The following RNF19A variants were observed in gnomAD, a reference collection of about 807,000 sequenced individuals.
RNF19A encodes the protein E3 ubiquitin-protein ligase RNF19A.
In RNF19A, 32 loss-of-function variants were observed where a neutral mutation model predicts 75.7. That is an observed-to-expected ratio of 0.42 (90% CI 0.32 to 0.57). RNF19A has a LOEUF of 0.57. RNF19A is among the 20% of genes least tolerant of loss of function. The pLI, the probability that RNF19A is intolerant of heterozygous loss-of-function variation, is 0.10. For synonymous variants in RNF19A, 335 were observed against 345.2 expected, an observed-to-expected ratio of 0.97 and a Z score of 0.33; for missense variants, 782 against 1,036.3, an observed-to-expected ratio of 0.75 and a Z score of 3.37.
In RNF19A at chr8:100,330,787, C is replaced by T. The variant is rs1040228390; in HGVS notation, c.-243+5321G>A. Among the ~76,000 whole-genome samples the T allele has an allele frequency of 3.3e-5, 5 of 152,192 alleles. No homozygotes were observed. Among genetic ancestry groups the T allele is most frequent in the Non-Finnish European group, 5.9e-5 (4 of 68,028 alleles). On this transcript the variant is annotated intron_variant, in intron 1 of 3. Transcript: ENST00000519527. The surrounding 1 kb of genome is among the most constrained non-coding windows in gnomAD (Gnocchi z 4.1). ...TTTCTAACTTCTCTCCTTCTCTCTC[C>T]TTCCCATGGCTTCTAAGGCCCAAGA...
chr8:100,309,381 G>A, intron 1 of RNF19A: 1 of 985,882 alleles, frequency 1.0e-6, no homozygotes, highest in Non-Finnish European at 1.2e-6. Context: ...TTTGCAGCGA[G>A]GCCCGGAAAT....
At chr8:100,298,198 T>TAAAAAAAAAA (rs35748790) in intron 1 of RNF19A, among the ~76,000 whole-genome samples, 6 of 144,398 alleles carry the variant, frequency 4.2e-5, no homozygotes, top group African/African-American at 1.5e-4. Context: ...TGTATTGGGT[T>TAAAAAAAAAA]AAAAAAAAAA....
chr8:100,261,580 C>G lies in RNF19A; in HGVS notation c.1644G>C (p.Gly548=), dbSNP rs932521903. 2 of 1,614,088 alleles carry G rather than the reference C, an allele frequency of 1.2e-6. No homozygotes were observed. Among genetic ancestry groups the G allele is most frequent in the African/African-American group, 2.7e-5 (2 of 75,008 alleles). Residue 548 remains glycine (G), a synonymous_variant, in exon 8 of 10, where the codon GGG becomes GGC. Transcript: ENST00000341084. This position sits in a 1 kb window ranked among gnomAD's most constrained non-coding sequence, Gnocchi z 4.4. ...TMALAGASIT[G]SLSGSAMVNC... Reference sequence around the variant, plus strand: ...TTACCATGGCACTTCCTGACAGACTCCCCGTTATACTGGCTCCAGCTAGTG... The same window carrying G: ...TTACCATGGCACTTCCTGACAGACTGCCCGTTATACTGGCTCCAGCTAGTG...
At chr8:100,305,593 A>G (rs1822032153) in intron 1 of RNF19A, among the ~76,000 whole-genome samples, 1 of 152,204 alleles carries the variant, frequency 6.6e-6, no homozygotes, top group Non-Finnish European at 1.5e-5. Flanking sequence ...CTCACATTGT[A>G]TTTCTATTGG....
chr8:100,305,090 C>A (rs953674132), intron 1 of RNF19A, among the ~76,000 whole-genome samples: 1 of 152,146 alleles, frequency 6.6e-6, no homozygotes, highest in Non-Finnish European at 1.5e-5. Flanking sequence ...TGCCTGCCAC[C>A]AAGCCCAGCA....
intron 2 of RNF19A, among the ~76,000 whole-genome samples, chr8:100,280,158 G>C (rs1820714509): frequency 6.6e-6 from 1 of 152,168 alleles, no homozygotes; most frequent in Non-Finnish European, 1.5e-5. Flanking sequence ...TCTCCATTCA[G>C]TGCCCGGCCC....
rs537373554 is a variant in RNF19A, at chr8:100,290,349, G to A, written c.-93-2082C>T. On this transcript the variant is annotated intron_variant, in intron 1 of 9. Coordinates refer to ENST00000341084, the MANE Select transcript of RNF19A (RefSeq NM_183419.4). ...ACTCCTGACCTCAAGTGATCCGCCC[G>A]CCTTGGCCTCCCAAAGTGCTGGGAT... 1.1e-3 allele frequency among the ~76,000 whole-genome samples: 164 copies of A among 152,200 alleles called. 1 individual carries two copies. The highest frequency in any genetic ancestry group is 2.7e-3 in the Admixed American group (41 of 15,292).
intron 1 of RNF19A, chr8:100,300,511 G>A (rs1821774251): frequency 6.6e-6 from 1 of 152,048 alleles, no homozygotes; most frequent in Non-Finnish European, 1.5e-5. Context: ...AAATTAGCTG[G>A]GTGTGGTGGT....
chr8:100,274,045 A>C (rs1820384970), intron 3 of RNF19A, among the ~76,000 whole-genome samples: 2 of 152,296 alleles, frequency 1.3e-5, no homozygotes, highest in African/African-American at 4.8e-5. Flanking sequence ...TCAGACTCCC[A>C]GAGTGCTGGG....
chr8:100,312,127 A>C (rs1030343695), upstream of RNF19A, among the ~76,000 whole-genome samples: 1 of 152,180 alleles, frequency 6.6e-6, no homozygotes, highest in African/African-American at 2.4e-5. Flanking sequence ...CTTCCAATTC[A>C]TAACTAACCA....
rs995451961 is a variant in RNF19A, at chr8:100,261,863, C to T, written c.1469-108G>A. 1.3e-5 allele frequency: 14 copies of T among 1,104,894 alleles called. No homozygotes were observed. The highest frequency in any genetic ancestry group is 7.3e-5 in the East Asian group (3 of 41,378). 68.4% of individuals were successfully genotyped at this position (1,104,894 alleles called of 1,614,324 possible). Reference sequence around the variant, plus strand: ...GACATTATATAAGGTATAAAATATACGCAGACATGGAAAAATATTTTTTTC... The same window carrying T: ...GACATTATATAAGGTATAAAATATATGCAGACATGGAAAAATATTTTTTTC... On this transcript the variant is annotated intron_variant, in intron 7 of 9. Transcript: ENST00000341084. This position sits in a 1 kb window ranked among gnomAD's most constrained non-coding sequence, Gnocchi z 4.4.
At chr8:100,321,091 T>A (rs1822459729) in intron 1 of RNF19A, among the ~76,000 whole-genome samples, 1 of 152,190 alleles carries the variant, frequency 6.6e-6, no homozygotes, top group Non-Finnish European at 1.5e-5. Context: ...AGAGTTAGGG[T>A]AGCTGTGGCG....
At chr8:100,310,172 GC>G, upstream of RNF19A, 1 of 984,150 alleles carries the variant, frequency 1.0e-6, no homozygotes, top group East Asian at 1.1e-4. Context: ...CGGCCGCCCC[GC>G]CCCAGCGCGC....
At chr8:100,326,040 G>A (rs1030803585) in intron 1 of RNF19A, among the ~76,000 whole-genome samples, 1 of 152,074 alleles carries the variant, frequency 6.6e-6, no homozygotes, top group Non-Finnish European at 1.5e-5. Flanking sequence ...GGTGTTTTAT[G>A]CTCTTTGTCT....
At chr8:100,273,229 G>T (rs1044124736) in intron 3 of RNF19A, among the ~76,000 whole-genome samples, 5 of 152,068 alleles carry the variant, frequency 3.3e-5, no homozygotes, top group Non-Finnish European at 5.9e-5. Context: ...CAATCGCCTT[G>T]AGACTATTTA....
At chr8:100,309,231 G>A (rs192984194) in intron 1 of RNF19A, 3 of 783,594 alleles carry the variant, frequency 3.8e-6, no homozygotes, top group East Asian at 1.3e-4. Context: ...TCACCCCAAG[G>A]CTACACCATT....
intron 1 of RNF19A, among the ~76,000 whole-genome samples, chr8:100,291,624 G>A (rs1303341487): frequency 6.6e-6 from 1 of 152,196 alleles, no homozygotes; most frequent in Non-Finnish European, 1.5e-5. Flanking sequence ...AGGTATTCTG[G>A]AAATGAAGAA....
At chr8:100,308,256 T>G (rs1031947886) in intron 1 of RNF19A, among the ~76,000 whole-genome samples, 1 of 152,196 alleles carries the variant, frequency 6.6e-6, no homozygotes, top group Non-Finnish European at 1.5e-5. Context: ...AAATTTAAAC[T>G]TCAGTTAAAT....
chr8:100,265,303 T>G (rs878897909), intron 5 of RNF19A, among the ~76,000 whole-genome samples: 1 of 152,192 alleles, frequency 6.6e-6, no homozygotes, highest in Non-Finnish European at 1.5e-5. Flanking sequence ...ATCCTTTTTA[T>G]GAAGACAATA....
Sources: allele counts gnomAD v4.1 joint callset (sites outside exome capture counted in the v4.1 genomes callset), GRCh38; gene constraint gnomAD v4.1.1; non-coding constraint Gnocchi (gnomAD v3.1); transcripts MANE v1.5; gene names NCBI Gene and HGNC (gene_info 2026-07-23, HGNC 2026-07-21).